ACTR3C: variants seen among roughly 807,000 people sequenced by gnomAD.
ACTR3C encodes actin related protein 3C.
Under a neutral mutation model 26.3 loss-of-function variants are expected in ACTR3C, and 18 were observed. The observed-to-expected ratio is 0.68, with a 90% CI of 0.47 to 1.01. The LOEUF (loss-of-function observed/expected upper bound fraction) is 1.01, where lower values mean the gene tolerates loss of function less well. Among genes scored for constraint, ACTR3C ranks in the 50% least tolerant of loss-of-function variants. The pLI is 0.00. For missense variants in ACTR3C, 184 were observed against 250.7 expected (o/e 0.73, Z 1.80); for synonymous variants, 55 against 94.5 (o/e 0.58, Z 2.42).
chr7:150,010,630 G>T, the ACTR3C span, among the ~76,000 whole-genome samples: 467 of 149,464 alleles, frequency 3.1e-3, 3 homozygotes, highest in African/African-American at 0.011. Context: ...GGAGGCAGAG[G>T]TTGCAGTGAG....
At chr7:150,036,906 A>T in the ACTR3C span, among the ~76,000 whole-genome samples, 4 of 82,702 alleles carry the variant, frequency 4.8e-5, no homozygotes, top group African/African-American at 2.0e-4. Flanking sequence ...CCTCGCGGGG[A>T]GTGCCTCCCC....
chr7:150,241,486 A>G (rs1832173498), downstream of ACTR3C, among the ~76,000 whole-genome samples: 1 of 152,272 alleles, frequency 6.6e-6, no homozygotes, highest in South Asian at 2.1e-4. Flanking sequence ...CTTCATTCAT[A>G]AAATAGATCA....
the ACTR3C span, among the ~76,000 whole-genome samples, chr7:149,915,045 A>C: frequency 6.6e-6 from 1 of 151,928 alleles, no homozygotes; most frequent in Non-Finnish European, 1.5e-5. Context: ...ACGCCCTGCT[A>C]ATTTTTGTAT....
chr7:150,181,391 C>T, the ACTR3C span, among the ~76,000 whole-genome samples: 37 of 150,154 alleles, frequency 2.5e-4, 2 homozygotes, highest in East Asian at 2.5e-3. Flanking sequence ...AAAGACAGGC[C>T]GGGCAACATA....
intron 1 of ACTR3C, among the ~76,000 whole-genome samples, chr7:150,309,334 A>G (rs1563204919): frequency 6.6e-6 from 1 of 152,260 alleles, no homozygotes; most frequent in African/African-American, 2.4e-5. Context: ...GAGGGCCAGA[A>G]GGCCATCTTA....
the ACTR3C span, among the ~76,000 whole-genome samples, chr7:150,024,441 G>T: frequency 6.7e-6 from 1 of 148,236 alleles, no homozygotes; most frequent in African/African-American, 2.5e-5. Flanking sequence ...CCATACACGT[G>T]GGAAGAGCCA....
intron 1 of ACTR3C, among the ~76,000 whole-genome samples, chr7:150,316,489 T>A (rs942655982): frequency 1.7e-4 from 22 of 127,430 alleles, no homozygotes; most frequent in Non-Finnish European, 3.0e-5. Context: ...GGTTATTTTT[T>A]TTTTTTTTTT....
chr7:149,931,015 G>A, the ACTR3C span, among the ~76,000 whole-genome samples: 42 of 152,240 alleles, frequency 2.8e-4, no homozygotes, highest in African/African-American at 4.6e-4. Context: ...ACAGGCACCC[G>A]CCACCATGCC....
chr7:150,062,298 GA>G, the ACTR3C span: 10 of 63,006 alleles, frequency 1.6e-4, no homozygotes, highest in African/African-American at 6.8e-4. Context: ...ATCAGCACGT[GA>G]TTTTTTTTTA....
the ACTR3C span, among the ~76,000 whole-genome samples, chr7:150,039,284 C>T: frequency 1.3e-5 from 2 of 151,002 alleles, no homozygotes; most frequent in African/African-American, 2.4e-5. Context: ...GTGCCTCCCC[C>T]CTCCTGCGAT....
chr7:150,066,141 T>C, the ACTR3C span, among the ~76,000 whole-genome samples: 3 of 151,980 alleles, frequency 2.0e-5, no homozygotes, highest in Admixed American at 6.5e-5. Flanking sequence ...ATCTCAAACA[T>C]ACACACACAT....
chr7:150,078,166 A>T, the ACTR3C span, among the ~76,000 whole-genome samples: 2 of 151,924 alleles, frequency 1.3e-5, no homozygotes, highest in African/African-American at 4.8e-5. Context: ...CCTGGCCTCT[A>T]CTTTCCCATG....
At chr7:150,188,042 CA>C in the ACTR3C span, among the ~76,000 whole-genome samples, 1 of 150,354 alleles carries the variant, frequency 6.7e-6, no homozygotes. Context: ...TCTGACACCA[CA>C]AGATACTTCA....
At chr7:150,113,399 T>C in the ACTR3C span, among the ~76,000 whole-genome samples, 1 of 152,196 alleles carries the variant, frequency 6.6e-6, no homozygotes, top group African/African-American at 2.4e-5. Context: ...AGAGAAGTTT[T>C]GTTCTATGAC....
chr7:149,941,670 A>G, the ACTR3C span, among the ~76,000 whole-genome samples: 1 of 152,176 alleles, frequency 6.6e-6, no homozygotes, highest in Non-Finnish European at 1.5e-5. Context: ...CAAGGTTCTA[A>G]ACCCTTACCC....
the ACTR3C span, among the ~76,000 whole-genome samples, chr7:150,192,838 C>T: frequency 2.0e-5 from 3 of 152,182 alleles, no homozygotes; most frequent in East Asian, 1.9e-4. Context: ...ATTGACATAT[C>T]GATTAACATG....
the ACTR3C span, among the ~76,000 whole-genome samples, chr7:150,065,348 T>C: frequency 6.6e-6 from 1 of 152,256 alleles, no homozygotes; most frequent in African/African-American, 2.4e-5. Context: ...TACTGCTATA[T>C]ATGAAAGATG....
chr7:150,035,996 G>A, the ACTR3C span, among the ~76,000 whole-genome samples: 2 of 134,606 alleles, frequency 1.5e-5, no homozygotes, highest in South Asian at 2.2e-4. Flanking sequence ...GCCTCGCGGG[G>A]GGTGCCTCCG....
the ACTR3C span, among the ~76,000 whole-genome samples, chr7:150,165,680 C>CT: frequency 0.035 from 5,265 of 152,182 alleles, 153 homozygotes; most frequent in East Asian, 0.19. Flanking sequence ...CCTTTCCTGC[C>CT]ATCATCCACA....
Sources: allele counts gnomAD v4.1 joint callset (sites outside exome capture counted in the v4.1 genomes callset), GRCh38; gene constraint gnomAD v4.1.1; transcripts MANE v1.5; gene names NCBI Gene and HGNC (gene_info 2026-07-23, HGNC 2026-07-21).